Variants in CDH18 observed in about 807,000 individuals in gnomAD.
CDH18 encodes the protein cadherin 18, also known as cadherin-18.
A neutral mutation model predicts 67.9 loss-of-function variants in CDH18; 31 were observed. The observed-to-expected ratio is 0.46, with a 90% CI of 0.34 to 0.62. The LOEUF (loss-of-function observed/expected upper bound fraction) is 0.62. CDH18 is among the 20% of genes least tolerant of loss of function. The probability of loss-of-function intolerance (pLI) is 0.01; values close to 1 mark genes in which losing one functional copy is unlikely to be tolerated. For synonymous variants in CDH18, 362 were observed against 347.2 expected, an observed-to-expected ratio of 1.04 and a Z score of -0.48; for missense variants, 890 against 975.5, an observed-to-expected ratio of 0.91 and a Z score of 1.17.
rs547454937 is a variant in CDH18, at chr5:20,207,635, C to A, written c.-518+47809G>T. Reference sequence around the variant, plus strand: ...TGAGACCTATTCACTATCATGAGAACAGCAGGGGAAAGACCCATGCTGTGA... The same window carrying A: ...TGAGACCTATTCACTATCATGAGAAAAGCAGGGGAAAGACCCATGCTGTGA... On this transcript the variant is annotated intron_variant, in intron 2 of 14. Coordinates refer to the CDH18 transcript ENST00000507958. Among the ~76,000 whole-genome samples the A allele has an allele frequency of 4.4e-4, 67 of 152,076 alleles. No homozygotes were observed. In the South Asian group the frequency reaches 0.011, roughly 24 times the overall value.
At chr5:19,852,553 G>C (rs1234114992) in intron 2 of CDH18, among the ~76,000 whole-genome samples, 1 of 151,796 alleles carries the variant, frequency 6.6e-6, no homozygotes, top group Non-Finnish European at 1.5e-5. Flanking sequence ...GTCCTTCTTA[G>C]GTTTCTAAAG....
At chr5:20,483,092 A>G (rs1182474278) in intron 1 of CDH18, among the ~76,000 whole-genome samples, 1 of 152,116 alleles carries the variant, frequency 6.6e-6, no homozygotes, top group Non-Finnish European at 1.5e-5. Context: ...ACATCGGCAT[A>G]CAAAAACCAA....
At chr5:19,848,009 C>A (rs768443794) in intron 2 of CDH18, 1 of 152,118 alleles carries the variant, frequency 6.6e-6, no homozygotes, top group Non-Finnish European at 1.5e-5. Context: ...AAAAGGCAGA[C>A]CCTTAGGCAG....
At chr5:20,205,420 A>G (rs1045194962) in intron 2 of CDH18, among the ~76,000 whole-genome samples, 5 of 151,978 alleles carry the variant, frequency 3.3e-5, no homozygotes, top group African/African-American at 9.7e-5. Context: ...ATACACTGCA[A>G]TATTATAGTA....
At position 20,325,088 on chromosome 5, in the gene CDH18, G is replaced by A. The variant is rs140946224; in HGVS notation, c.-579-69583C>T. Among the ~76,000 whole-genome samples the A allele has an allele frequency of 3.0e-4, 46 of 152,282 alleles. No individual in the cohort carries two copies. In the Middle Eastern group the frequency reaches 0.01, roughly 34 times the overall value. ...CCTAACCCGTGGTATTTAAAGAACC[G>A]AATGCTTTTAAGGTTTGTAAAGTTT... On this transcript the variant is annotated intron_variant, in intron 1 of 14. Transcript: ENST00000507958.
intron 8 of CDH18, among the ~76,000 whole-genome samples, chr5:19,566,680 C>G (rs984584932): frequency 6.6e-6 from 1 of 152,072 alleles, no homozygotes; most frequent in Non-Finnish European, 1.5e-5. Context: ...CCTATCACAA[C>G]ACGTGGGAAT....
intron 5 of CDH18, among the ~76,000 whole-genome samples, chr5:19,708,653 C>T (rs1018435608): frequency 6.6e-6 from 1 of 152,176 alleles, no homozygotes; most frequent in Admixed American, 6.5e-5. Flanking sequence ...CGTTCCTGAA[C>T]CACAAACAAT....
intron 2 of CDH18, among the ~76,000 whole-genome samples, chr5:20,182,597 CAAAAAAAAA>C (rs778083062): frequency 2.1e-5 from 1 of 47,426 alleles, no homozygotes; most frequent in Admixed American, 2.2e-4. Flanking sequence ...AGCTAAATCT[CAAAAAAAAA>C]AAAAAAAAAA....
intron 1 of CDH18, among the ~76,000 whole-genome samples, chr5:20,331,994 A>AT (rs1441797622): frequency 6.6e-6 from 1 of 152,174 alleles, no homozygotes; most frequent in Non-Finnish European, 1.5e-5. Context: ...GATTTAGACA[A>AT]TGAGGTTCAC....
intron 1 of CDH18, among the ~76,000 whole-genome samples, chr5:20,435,180 C>CA (rs1560999307): frequency 1.3e-5 from 2 of 151,904 alleles, no homozygotes; most frequent in African/African-American, 4.8e-5. Context: ...AAGAAAAAGG[C>CA]GTTTTGCCTC....
At position 20,311,239 on chromosome 5, in the gene CDH18, G is replaced by A. The variant is rs1736958663; in HGVS notation, c.-579-55734C>T. ...CAACCATTGTGGAAGACAGTGTGGC[G>A]ATTTCTCCAGCGTCTAGAACTAGAA... On this transcript the variant is annotated intron_variant, in intron 1 of 14. Transcript: ENST00000507958. Among the ~76,000 whole-genome samples the A allele has an allele frequency of 3.3e-5, 5 of 152,088 alleles. No individual in the cohort carries two copies. The South Asian group carries it at 6.2e-4, about 19-fold the overall frequency.
At chr5:20,221,822 C>A (rs76118713) in intron 2 of CDH18, among the ~76,000 whole-genome samples, 1 of 152,002 alleles carries the variant, frequency 6.6e-6, no homozygotes, top group African/African-American at 2.4e-5. Flanking sequence ...ATTATTGTGT[C>A]ACTTCATCAT....
intron 2 of CDH18, among the ~76,000 whole-genome samples, chr5:20,018,425 G>C (rs187094021): frequency 2.0e-5 from 3 of 152,132 alleles, no homozygotes; most frequent in African/African-American, 7.2e-5. Flanking sequence ...GTCTAGTGTG[G>C]AGTAAACATG....
intron 2 of CDH18, among the ~76,000 whole-genome samples, chr5:19,960,995 G>GTC (rs1430904205): frequency 4.1e-5 from 6 of 147,004 alleles, no homozygotes; most frequent in Non-Finnish European, 6.1e-5. Flanking sequence ...AGTGCAGGAG[G>GTC]TTTGTTTATA....
intron 1 of CDH18, among the ~76,000 whole-genome samples, chr5:20,464,437 A>T (rs559325343): frequency 6.7e-6 from 1 of 148,326 alleles, no homozygotes; most frequent in Non-Finnish European, 1.5e-5. Flanking sequence ...GATTTTGTTC[A>T]TTGAGAATTT....
intron 2 of CDH18, among the ~76,000 whole-genome samples, chr5:20,068,614 C>G (rs1743183083): frequency 6.6e-6 from 1 of 151,506 alleles, no homozygotes. Context: ...TGTAAGTTTT[C>G]AATATGTTTA....
At chr5:20,171,777 A>G (rs1157257143) in intron 2 of CDH18, among the ~76,000 whole-genome samples, 1 of 151,990 alleles carries the variant, frequency 6.6e-6, no homozygotes, top group Non-Finnish European at 1.5e-5. Context: ...TATCTTCATT[A>G]TGAAATCTTT....
chr5:19,729,862 T>G (rs150940886), intron 4 of CDH18, among the ~76,000 whole-genome samples: 31 of 152,352 alleles, frequency 2.0e-4, no homozygotes, highest in Admixed American at 8.5e-4. Flanking sequence ...TGCTCTGCTC[T>G]GCTTGCAGAA....
At chr5:20,557,881 TAAA>T (rs1179538656) in intron 1 of CDH18, among the ~76,000 whole-genome samples, 26 of 104,838 alleles carry the variant, frequency 2.5e-4, no homozygotes, top group African/African-American at 5.3e-4. Flanking sequence ...TATATAACAT[TAAA>T]TGTTATAGTT....
Sources: gnomAD v4.1 joint callset for allele counts (sites outside exome capture counted in the v4.1 genomes callset) on GRCh38, gnomAD v4.1.1 for gene constraint, MANE v1.5 for transcripts, NCBI Gene and HGNC (gene_info 2026-07-23, HGNC 2026-07-21) for gene names.